The following GRID1 variants were observed in gnomAD, a reference collection of about 807,000 sequenced individuals.
GRID1 encodes glutamate receptor ionotropic, delta-1.
GRID1 carries 28 observed loss-of-function variants against 98.0 expected under a neutral mutation model. The observed-to-expected ratio is 0.29, with a 90% CI of 0.21 to 0.39. The LOEUF is 0.39. Among genes scored for constraint, GRID1 ranks in the 10% least tolerant of loss-of-function variants. The pLI, the probability that GRID1 is intolerant of heterozygous loss-of-function variation, is 1.00. For synonymous variants in GRID1, 553 were observed against 538.5 expected, an observed-to-expected ratio of 1.03 and a Z score of -0.37; for missense variants, 1,111 against 1,340.5, an observed-to-expected ratio of 0.83 and a Z score of 2.67.
At chr10:86,274,935 C>A (rs1050894499) in intron 2 of GRID1, among the ~76,000 whole-genome samples, 1 of 152,098 alleles carries the variant, frequency 6.6e-6, no homozygotes, top group African/African-American at 2.4e-5. Flanking sequence ...CTGGCCAGAA[C>A]TTCCAACACT....
chr10:85,823,151 A>C (rs1340662146), intron 8 of GRID1, among the ~76,000 whole-genome samples: 1 of 152,218 alleles, frequency 6.6e-6, no homozygotes, highest in African/African-American at 2.4e-5. Flanking sequence ...ACAAATCTGC[A>C]CGTTGTGCAA....
In GRID1 at chr10:85,635,231, A is replaced by T. The variant is rs184776054; in HGVS notation, c.2193+11971T>A. Among the ~76,000 whole-genome samples the T allele has an allele frequency of 4.1e-3, 622 of 152,292 alleles. 2 individuals are homozygous for T. Among genetic ancestry groups the T allele is most frequent in the Non-Finnish European group, 6.5e-3 (442 of 68,028 alleles). The stretch of plus-strand genomic sequence containing the variant: ...AATGCTCAAAACCCAAAGCAGAATA[A>T]TTTAATAAGGGAGGCACAGTGGGGG... On this transcript the variant is annotated intron_variant, in intron 13 of 15. Coordinates refer to ENST00000327946, the MANE Select transcript of GRID1 (RefSeq NM_017551.3).
chr10:85,908,803 T>G (rs562503664), intron 5 of GRID1, among the ~76,000 whole-genome samples: 4 of 152,146 alleles, frequency 2.6e-5, no homozygotes, highest in South Asian at 2.1e-4. Context: ...GCTAAAGCTA[T>G]AGTAATCAAA....
chr10:85,748,437 AT>A (rs1842017170), intron 8 of GRID1, among the ~76,000 whole-genome samples: 2 of 152,152 alleles, frequency 1.3e-5, no homozygotes, highest in Non-Finnish European at 2.9e-5. Flanking sequence ...GTGAAATCAT[AT>A]GGGTAAAAGA....
chr10:85,709,172 G>A, intron 12 of GRID1: 1 of 312,264 alleles, frequency 3.2e-6, no homozygotes, highest in South Asian at 4.0e-5. Flanking sequence ...GCCCACCGAG[G>A]CTGGGCTTAT....
Position 85,835,537 on chromosome 10 carries a change from T to C in GRID1, c.1233+18959A>G, listed in dbSNP as rs72842914. Among the ~76,000 whole-genome samples the C allele has an allele frequency of 8.4e-3, 1,279 of 152,298 alleles. 49 individuals are homozygous for C. The East Asian group carries it at 0.12, about 14-fold the overall frequency. On this transcript the variant is annotated intron_variant, in intron 8 of 15. Transcript: ENST00000327946. ...GGTAAGACGTGATATTGCTCCTCCT[T>C]TGCCTTCCATCATGATTGTGAGGCC...
intron 8 of GRID1, among the ~76,000 whole-genome samples, chr10:85,763,904 TG>T (rs1168573936): frequency 1.3e-5 from 2 of 152,138 alleles, no homozygotes; most frequent in Non-Finnish European, 2.9e-5. Flanking sequence ...ATTTCATCTC[TG>T]TGTGGGGAGG....
chr10:85,721,305 C>A (rs150020039), intron 12 of GRID1, among the ~76,000 whole-genome samples: 1 of 152,284 alleles, frequency 6.6e-6, no homozygotes, highest in East Asian at 1.9e-4. Flanking sequence ...CAATACCCAA[C>A]ATGAACTTGC....
intron 15 of GRID1, among the ~76,000 whole-genome samples, chr10:85,612,011 A>G (rs1842737166): frequency 6.6e-6 from 1 of 152,188 alleles, no homozygotes; most frequent in Non-Finnish European, 1.5e-5. Flanking sequence ...CCTTACATGG[A>G]GATACACAGA....
rs141737266 is a variant in GRID1 at position 85,642,935 on chromosome 10, T to C, written c.2193+4267A>G. ...ATTACCCTCCAGAGGCTCAATGATG[T>C]GTATTGGCATGAAGGAGTGGATCTC... On this transcript the variant is annotated intron_variant, in intron 13 of 15. Transcript: ENST00000327946. Among the ~76,000 whole-genome samples the C allele has an allele frequency of 5.8e-3, 881 of 152,204 alleles. 5 individuals are homozygous for C. Among genetic ancestry groups the C allele is most frequent in the African/African-American group, 0.02 (827 of 41,532 alleles).
chr10:85,666,087 C>A (rs896029209), intron 12 of GRID1, among the ~76,000 whole-genome samples: 1 of 152,138 alleles, frequency 6.6e-6, no homozygotes, highest in Non-Finnish European at 1.5e-5. Flanking sequence ...AGAACTACAC[C>A]ACCACTTTTG....
chr10:85,962,259 T>C (rs557802408), intron 4 of GRID1, among the ~76,000 whole-genome samples: 8 of 152,318 alleles, frequency 5.3e-5, no homozygotes, highest in African/African-American at 7.2e-5. Context: ...CCCGGGTTCA[T>C]TGCTCTCCCC....
At chr10:85,771,425 A>C (rs562558951) in intron 8 of GRID1, among the ~76,000 whole-genome samples, 120 of 152,266 alleles carry the variant, frequency 7.9e-4, no homozygotes, top group African/African-American at 2.8e-3. Context: ...TAACGAGCAA[A>C]ATAACCAGCT....
At chr10:86,098,630 C>A (rs901760594) in intron 4 of GRID1, among the ~76,000 whole-genome samples, 6 of 152,236 alleles carry the variant, frequency 3.9e-5, no homozygotes, top group African/African-American at 1.4e-4. Context: ...TCCAGAACAT[C>A]TCCACCAGGT....
chr10:86,073,196 G>C (rs1329905976), intron 4 of GRID1, among the ~76,000 whole-genome samples: 1 of 152,194 alleles, frequency 6.6e-6, no homozygotes, highest in South Asian at 2.1e-4. Flanking sequence ...GCCAAATGGA[G>C]ACTCCAGAAA....
At chr10:86,007,707 C>G (rs12777817) in intron 4 of GRID1, among the ~76,000 whole-genome samples, 21,162 of 152,148 alleles carry the variant, frequency 0.14, 1,822 homozygotes, top group African/African-American at 0.25. Context: ...GAGGGCTGGG[C>G]TCCAACACCC....
intron 3 of GRID1, among the ~76,000 whole-genome samples, chr10:86,190,727 T>C (rs1471371141): frequency 6.6e-6 from 1 of 151,984 alleles, no homozygotes; most frequent in Non-Finnish European, 1.5e-5. Context: ...AAGAAAAGAG[T>C]TAATGTATTG....
chr10:85,770,977 C>A (rs977428901), intron 8 of GRID1, among the ~76,000 whole-genome samples: 1 of 152,122 alleles, frequency 6.6e-6, no homozygotes, highest in African/African-American at 2.4e-5. Flanking sequence ...GAGAACGCCA[C>A]AAAGATACTC....
intron 2 of GRID1, among the ~76,000 whole-genome samples, chr10:86,236,071 T>G (rs1211274243): frequency 6.6e-6 from 1 of 152,262 alleles, no homozygotes; most frequent in Non-Finnish European, 1.5e-5. Context: ...CTGTCTTTTT[T>G]ATTATAGTCA....
Sources: allele counts gnomAD v4.1 joint callset (sites outside exome capture counted in the v4.1 genomes callset), GRCh38; gene constraint gnomAD v4.1.1; transcripts MANE v1.5; gene names NCBI Gene and HGNC (gene_info 2026-07-23, HGNC 2026-07-21).